The following DNTT variants were observed in gnomAD, a reference collection of about 807,000 sequenced individuals.
DNTT encodes the protein nucleosidetriphosphate:DNA deoxynucleotidylexotransferase.
DNTT carries 47 observed loss-of-function variants against 60.9 expected under a neutral mutation model. The observed-to-expected ratio is 0.77, with a 90% CI of 0.61 to 0.98. The LOEUF is 0.98. Ranked by LOEUF, DNTT falls within the 50% of genes least tolerant of loss-of-function variation. The probability of loss-of-function intolerance (pLI) is 0.00; values close to 1 mark genes in which losing one functional copy is unlikely to be tolerated. For missense variants in DNTT, 665 were observed against 627.5 expected (o/e 1.06, Z -0.64); for synonymous variants, 224 against 221.2 (o/e 1.01, Z -0.11).
intron 1 of DNTT, among the ~76,000 whole-genome samples, chr10:96,310,839 A>T (rs1374642431): frequency 2.6e-5 from 4 of 152,034 alleles, no homozygotes; most frequent in East Asian, 1.9e-4. Context: ...TTTGTAATGA[A>T]TTTTTTTTCT....
At chr10:96,309,872 C>T (rs1357482275) in intron 1 of DNTT, among the ~76,000 whole-genome samples, 2 of 152,222 alleles carry the variant, frequency 1.3e-5, no homozygotes, top group African/African-American at 4.8e-5. Context: ...TCTCTTAAAG[C>T]AGTTACTTTA....
At chr10:96,317,571 G>A (rs984958767) in intron 1 of DNTT, among the ~76,000 whole-genome samples, 14 of 152,148 alleles carry the variant, frequency 9.2e-5, no homozygotes, top group African/African-American at 3.1e-4. Context: ...TCCCCAAAGC[G>A]ATGATATTAG....
chr10:96,332,311 C>A (rs1021377741), intron 8 of DNTT, 40 bp from the exon 9 acceptor site: 1 of 1,598,366 alleles, frequency 6.3e-7, no homozygotes, highest in Non-Finnish European at 8.5e-7. Context: ...AGATCTTCTT[C>A]ATCAGGGCCT....
intron 1 of DNTT, among the ~76,000 whole-genome samples, chr10:96,306,235 G>A (rs558156409): frequency 7.6e-4 from 115 of 151,692 alleles, no homozygotes; most frequent in Admixed American, 2.2e-3. Context: ...CTGGGACTAC[G>A]GACACGCGCC....
chr10:96,307,574 T>C (rs1049449228), intron 1 of DNTT, among the ~76,000 whole-genome samples: 1 of 149,884 alleles, frequency 6.7e-6, no homozygotes, highest in African/African-American at 2.4e-5. Context: ...CAGGATGGTC[T>C]CGATCTCTTG....
chr10:96,329,725 G>A (rs1032149189), intron 8 of DNTT, among the ~76,000 whole-genome samples: 5 of 152,202 alleles, frequency 3.3e-5, no homozygotes, highest in South Asian at 2.1e-4. Context: ...AATACTGGGC[G>A]TCGAGTCTTC....
At chr10:96,331,636 A>T (rs907386509) in intron 8 of DNTT, among the ~76,000 whole-genome samples, 6 of 152,298 alleles carry the variant, frequency 3.9e-5, no homozygotes, top group South Asian at 2.1e-4. Flanking sequence ...ATCTTCCCCT[A>T]TGACCCAAAG....
At chr10:96,327,730 C>T (rs1309394698) in intron 7 of DNTT, 130 bp downstream of exon 7, 3 of 1,408,138 alleles carry the variant, frequency 2.1e-6, no homozygotes, top group Non-Finnish European at 2.9e-6. Context: ...TTATCTCCTG[C>T]CTCTCACATT....
At chr10:96,315,028 G>A (rs1461417816) in intron 1 of DNTT, among the ~76,000 whole-genome samples, 1 of 152,146 alleles carries the variant, frequency 6.6e-6, no homozygotes, top group Non-Finnish European at 1.5e-5. Flanking sequence ...TGAATTGCCT[G>A]TGAGGGGCTG....
Position 96,304,524 on chromosome 10 carries a change from G to A in DNTT, c.27G>A (p.Leu9=), listed in dbSNP as rs199671984. The A allele has an allele frequency of 6.2e-7, 1 of 1,613,968 alleles. No homozygotes were observed. Among genetic ancestry groups the A allele is most frequent in the South Asian group, 1.1e-5 (1 of 91,086 alleles). Residue 9 remains leucine (L), a synonymous_variant, in exon 1 of 11, where the codon TTG becomes TTA. Coordinates refer to ENST00000371174, the MANE Select transcript of DNTT (RefSeq NM_004088.4). Reference sequence around the variant, plus strand: ...TGGATCCACCACGAGCGTCCCACTTGAGCCCTCGGAAGAAGAGACCCCGGC... The same window carrying A: ...TGGATCCACCACGAGCGTCCCACTTAAGCCCTCGGAAGAAGAGACCCCGGC... The part of the protein sequence containing the change: MDPPRASH[L]SPRKKRPRQT...
At chr10:96,336,424 T>G (rs1360676580) in intron 10 of DNTT, among the ~76,000 whole-genome samples, 2 of 152,172 alleles carry the variant, frequency 1.3e-5, no homozygotes, top group Non-Finnish European at 2.9e-5. Flanking sequence ...CCCTGAGACA[T>G]AAATGAGCAT....
At position 96,313,258 on chromosome 10, in the gene DNTT, T is replaced by C. The variant is rs79290208; in HGVS notation, c.204-5094T>C. On this transcript the variant is annotated intron_variant, in intron 1 of 10. Coordinates refer to ENST00000371174, the MANE Select transcript of DNTT (RefSeq NM_004088.4). ...AACCTTGGGATCTCTGAGGTTGAGG[T>C]TGGCTGCCGGAGGGTTTCTGTCACC... Among the ~76,000 whole-genome samples the C allele has an allele frequency of 6.2e-3, 944 of 152,226 alleles. 6 individuals are homozygous for C. The highest frequency in any genetic ancestry group is 0.021 in the African/African-American group (854 of 41,538).
intron 8 of DNTT, 60 bp downstream of exon 8, chr10:96,328,890 G>C: frequency 2.0e-6 from 3 of 1,512,436 alleles, no homozygotes; most frequent in East Asian, 4.5e-5. Flanking sequence ...CTTGAATTTT[G>C]CACATTACTT....
Position 96,319,321 on chromosome 10 carries a change from T to C in DNTT, c.438T>C (p.Ala146=). The C allele has an allele frequency of 1.9e-6, 3 of 1,613,908 alleles. No individual in the cohort carries two copies. The highest frequency in any genetic ancestry group is 2.5e-6 in the Non-Finnish European group (3 of 1,179,828). ...GCCCCCCGAAGACTCCACCAATTGC[T>C]GTACAAAAGATCTCCCAGTATGCGT... ...NPGPPKTPPI[A]VQKISQYACQ... The change falls in exon 3 of 11, where the codon GCT becomes GCC. Residue 146 remains alanine, a synonymous_variant. Coordinates refer to ENST00000371174, the MANE Select transcript of DNTT (RefSeq NM_004088.4).
At chr10:96,310,995 C>CA (rs959337050) in intron 1 of DNTT, among the ~76,000 whole-genome samples, 2 of 152,006 alleles carry the variant, frequency 1.3e-5, no homozygotes, top group African/African-American at 4.8e-5. Flanking sequence ...TTTAAATTAA[C>CA]AAAAAATTTC....
At chr10:96,326,767 C>A (rs372095265) in intron 6 of DNTT, among the ~76,000 whole-genome samples, 1 of 152,274 alleles carries the variant, frequency 6.6e-6, no homozygotes, top group East Asian at 1.9e-4. Context: ...AGGAGAGCAG[C>A]GATGCTGAAG....
At chr10:96,320,016 A>T (rs1844846962) in intron 3 of DNTT, among the ~76,000 whole-genome samples, 1 of 152,250 alleles carries the variant, frequency 6.6e-6, no homozygotes, top group Non-Finnish European at 1.5e-5. Flanking sequence ...TAGTAGATCA[A>T]TACAGAGCTT....
At chr10:96,313,266 C>T (rs531825604) in intron 1 of DNTT, among the ~76,000 whole-genome samples, 6 of 152,114 alleles carry the variant, frequency 3.9e-5, no homozygotes, top group Admixed American at 1.3e-4. Context: ...GGTTGGCTGC[C>T]GGAGGGTTTC....
At chr10:96,330,544 G>T (rs916861604) in intron 8 of DNTT, among the ~76,000 whole-genome samples, 10 of 152,178 alleles carry the variant, frequency 6.6e-5, no homozygotes, top group Non-Finnish European at 1.5e-4. Flanking sequence ...TCCTCCAGAG[G>T]TTCTTCCTAA....
Sources: allele counts gnomAD v4.1 joint callset (sites outside exome capture counted in the v4.1 genomes callset), GRCh38; gene constraint gnomAD v4.1.1; transcripts MANE v1.5; gene names NCBI Gene and HGNC (gene_info 2026-07-23, HGNC 2026-07-21).